Variants in IPP observed in about 807,000 individuals in gnomAD.
IPP encodes actin-binding protein IPP.
In IPP, 41 loss-of-function variants were observed where a neutral mutation model predicts 64.1. The ratio of observed to expected loss-of-function variants is 0.64; its 90% CI spans 0.50 to 0.83. The LOEUF (loss-of-function observed/expected upper bound fraction) is 0.83, where lower values mean the gene tolerates loss of function less well. Among genes scored for constraint, IPP ranks in the 40% least tolerant of loss-of-function variants. The pLI is 0.00. For synonymous variants in IPP, 214 were observed against 235.2 expected, an observed-to-expected ratio of 0.91 and a Z score of 0.83; for missense variants, 649 against 703.0, an observed-to-expected ratio of 0.92 and a Z score of 0.87.
chr1:45,713,248 C>A (rs569191302), intron 8 of IPP, among the ~76,000 whole-genome samples: 12 of 151,768 alleles, frequency 7.9e-5, no homozygotes, highest in Admixed American at 2.0e-4. Flanking sequence ...GGTTACATAG[C>A]GAGACCCTAA....
At chr1:45,695,673 ATT>A (rs796457039), downstream of IPP, among the ~76,000 whole-genome samples, 5 of 144,406 alleles carry the variant, frequency 3.5e-5, no homozygotes, top group Non-Finnish European at 6.1e-5. Flanking sequence ...ATAACCTGGA[ATT>A]TTTTTTTTTT....
chr1:45,722,811 T>A (rs1448115777), intron 5 of IPP, among the ~76,000 whole-genome samples: 1 of 152,204 alleles, frequency 6.6e-6, no homozygotes, highest in Non-Finnish European at 1.5e-5. Context: ...AATGAAATAT[T>A]ATTCAGTCAT....
rs780327551 is a variant in IPP at position 45,729,726 on chromosome 1, C to T, written c.768G>A (p.Leu256=). ...ATTTGCATACTTCACAGTACTCTTT[C>T]AGAAGTGTTTGCAATGCAACACGAA... ...FNLRVALQTL[L]KEYCEVCKSP... The change falls in exon 4 of 9, where the codon CTG becomes CTA. Residue 256 remains leucine (L), a synonymous_variant. Coordinates refer to ENST00000396478, the MANE Select transcript of IPP (RefSeq NM_005897.3). 2 of 1,603,798 alleles carry T rather than the reference C, an allele frequency of 1.2e-6. No individual in the cohort carries two copies. Among genetic ancestry groups the T allele is most frequent in the Non-Finnish European group, 8.5e-7 (1 of 1,173,760 alleles).
rs1553189324 is a variant in IPP, at chr1:45,712,878, A to AAAAAATATATATATATAT, written c.1530+1367_1530+1368insATATATATATATATTTTT. Among the ~76,000 whole-genome samples, 18 of 138,642 alleles carry AAAAAATATATATATATAT rather than the reference A, an allele frequency of 1.3e-4. No individual in the cohort carries two copies. In the East Asian group the frequency reaches 2.9e-3, roughly 22 times the overall value. 91.0% of individuals were successfully genotyped at this position (138,642 alleles called of 152,430 possible). A position where few individuals can be genotyped will look rare whatever the true frequency, so the allele number is the denominator to read the frequency against. On this transcript the variant is annotated intron_variant, in intron 8 of 8. Transcript: ENST00000396478. ...CAAAAAAAAAAAGAAAAAAAAAAAAAATATATATATATATACACACCATCC... is the reference window on the plus strand; with the variant it reads ...CAAAAAAAAAAAGAAAAAAAAAAAAAAAAAATATATATATATATATATATATATATATACACACCATCC...
chr1:45,741,271 C>T lies in IPP; in HGVS notation c.354G>A (p.Gln118=). The T allele has an allele frequency of 1.2e-6, 2 of 1,613,940 alleles. No homozygotes were observed. Among genetic ancestry groups the T allele is most frequent in the Non-Finnish European group, 1.7e-6 (2 of 1,179,800 alleles). ...QELIIAADML[Q]LTEVVHLCCE... ...AGCAAAGATGAACAACTTCAGTCAA[C>T]TGTAGCATGTCTGCTGCAATAATCA... The change falls in exon 3 of 9, where the codon CAG becomes CAA. Residue 118 remains glutamine (Q), a synonymous_variant. Transcript: ENST00000396478.
intron 6 of IPP, among the ~76,000 whole-genome samples, chr1:45,718,301 A>G (rs1645687299): frequency 6.6e-6 from 1 of 152,260 alleles, no homozygotes; most frequent in Non-Finnish European, 1.5e-5. Flanking sequence ...TGTCTCATCT[A>G]TATTTTATCT....
At chr1:45,746,625 G>A (rs1646138167) in intron 1 of IPP, among the ~76,000 whole-genome samples, 164 bp from the exon 2 acceptor site, 1 of 152,128 alleles carries the variant, frequency 6.6e-6, no homozygotes, top group Non-Finnish European at 1.5e-5. Flanking sequence ...TTCAGAGAAT[G>A]AAATAAGTAG....
At chr1:45,713,847 C>T (rs888014852) in intron 8 of IPP, among the ~76,000 whole-genome samples, 5 of 152,120 alleles carry the variant, frequency 3.3e-5, no homozygotes, top group African/African-American at 1.2e-4. Context: ...GCGTGGGCCA[C>T]CACGCCTAGC....
downstream of IPP, among the ~76,000 whole-genome samples, chr1:45,697,735 G>C (rs191961618): frequency 8.6e-5 from 13 of 151,978 alleles, no homozygotes; most frequent in African/African-American, 3.1e-4. Flanking sequence ...AAGGTGGGCA[G>C]ATCACAAGGT....
Position 45,717,005 on chromosome 1 carries a change from C to T in IPP, c.1199G>A (p.Gly400Glu). 6.2e-7 allele frequency: 1 copy of T among 1,612,398 alleles called. No homozygotes were observed. Among genetic ancestry groups the T allele is most frequent in the Non-Finnish European group, 8.5e-7 (1 of 1,179,486 alleles). ...TTCAATGGTGTTCCCTATCTCAGCT[C>T]CAACCCATCCACCTGTAATGAAATA... ...GAIYALGGWV[G>E]AEIGNTIERF... Residue 400 changes from glycine (G) to glutamate (E), a missense_variant, in exon 7 of 9, where the codon GGA (glycine) becomes GAA (glutamate). By Grantham distance (98) the Gly-to-Glu change is moderately conservative. Transcript: ENST00000396478.
At chr1:45,724,628 G>C (rs1241051839) in intron 5 of IPP, among the ~76,000 whole-genome samples, 2 of 148,616 alleles carry the variant, frequency 1.3e-5, no homozygotes, top group African/African-American at 5.0e-5. Flanking sequence ...CCTCTGCCCC[G>C]CCGCCCTGTC....
At chr1:45,747,126 G>A (rs555697123) in intron 1 of IPP, among the ~76,000 whole-genome samples, 33 of 151,214 alleles carry the variant, frequency 2.2e-4, no homozygotes, top group East Asian at 3.9e-4. Context: ...ACGAGCGCGC[G>A]CGCGCGCTTC....
chr1:45,716,776 C>T lies in IPP; in HGVS notation c.1309+119G>A, dbSNP rs1645664379. The T allele has an allele frequency of 4.1e-6, 3 of 733,006 alleles. No individual in the cohort carries two copies. The South Asian group carries it at 6.3e-5, about 15-fold the overall frequency. The allele number at this position is 733,006 out of a possible 1,614,324, so 45.4% of individuals were successfully genotyped here. A position where few individuals can be genotyped will look rare whatever the true frequency, so the allele number is the denominator to read the frequency against. On this transcript the variant is annotated intron_variant, in intron 7 of 8. Transcript: ENST00000396478. ...GGTAAAAAGCAGAACTTCTATGCTG[C>T]TAGTATCAGTCATTCAATACTAACA...
Position 45,703,271 on chromosome 1 carries a change from T to C in IPP, c.1531-3081A>G, listed in dbSNP as rs374104270. 4.7e-5 allele frequency among the ~76,000 whole-genome samples: 7 copies of C among 148,224 alleles called. No homozygotes were observed. In the Admixed American group the frequency reaches 4.8e-4, roughly 10 times the overall value. On this transcript the variant is annotated intron_variant, in intron 8 of 8. Transcript: ENST00000396478. Reference sequence around the variant, plus strand: ...ACCTGGCTAATTTTCACATTTTTTATAGGACAGGGTTTTCACCATGTTGCC... The same window carrying C: ...ACCTGGCTAATTTTCACATTTTTTACAGGACAGGGTTTTCACCATGTTGCC...
intron 5 of IPP, among the ~76,000 whole-genome samples, chr1:45,719,969 G>A (rs375062763): frequency 1.3e-5 from 2 of 152,072 alleles, no homozygotes; most frequent in South Asian, 2.1e-4. Flanking sequence ...TGATCCGCCC[G>A]CCTCAGCCTC....
downstream of IPP, chr1:45,694,761 A>G (rs1421661633): frequency 2.8e-6 from 1 of 363,358 alleles, no homozygotes. Flanking sequence ...CCAAACACAT[A>G]ATAGCTGGTC....
In IPP at chr1:45,699,786, C is replaced by T; in HGVS notation, c.*180G>A. Reference sequence around the variant, plus strand: ...CAAGTGATCCTTCTGCCTCAGCCTTCCAAAGTGCTGGGATTATAGGCATGA... The same window carrying T: ...CAAGTGATCCTTCTGCCTCAGCCTTTCAAAGTGCTGGGATTATAGGCATGA... On this transcript the variant is annotated 3_prime_UTR_variant, in exon 9 of 9. Transcript: ENST00000396478. The T allele has an allele frequency of 7.2e-7, 1 of 1,398,314 alleles. No homozygotes were observed. Among genetic ancestry groups the T allele is most frequent in the Non-Finnish European group, 9.3e-7 (1 of 1,073,860 alleles). The allele number at this position is 1,398,314 out of a possible 1,614,324, so 86.6% of individuals were successfully genotyped here. A position where few individuals can be genotyped will look rare whatever the true frequency, so the allele number is the denominator to read the frequency against.
At chr1:45,695,507 T>C (rs1645379356), downstream of IPP, among the ~76,000 whole-genome samples, 1 of 152,058 alleles carries the variant, frequency 6.6e-6, no homozygotes, top group Admixed American at 6.6e-5. Context: ...GATTTTCACT[T>C]GAAAACGTAG....
At chr1:45,717,899 T>C (rs768308404) in intron 6 of IPP, among the ~76,000 whole-genome samples, 3 of 152,212 alleles carry the variant, frequency 2.0e-5, no homozygotes, top group Non-Finnish European at 4.4e-5. Context: ...TAAAATATAA[T>C]AGATTAAATT....
Sources: gnomAD v4.1 joint callset for allele counts (sites outside exome capture counted in the v4.1 genomes callset) on GRCh38, gnomAD v4.1.1 for gene constraint, MANE v1.5 for transcripts, NCBI Gene and HGNC (gene_info 2026-07-23, HGNC 2026-07-21) for gene names.